CNTN5: variants seen among roughly 807,000 people sequenced by gnomAD.
CNTN5 encodes the protein contactin 5, also known as contactin-5.
CNTN5 carries 77 observed loss-of-function variants against 129.1 expected under a neutral mutation model. The ratio of observed to expected loss-of-function variants is 0.60; its 90% CI spans 0.50 to 0.72. The LOEUF (loss-of-function observed/expected upper bound fraction) is 0.72, where lower values mean the gene tolerates loss of function less well. CNTN5 is among the 30% of genes least tolerant of loss of function. The probability of loss-of-function intolerance (pLI) is 0.00; values close to 1 mark genes in which losing one functional copy is unlikely to be tolerated. For synonymous variants in CNTN5, 509 were observed against 465.6 expected (o/e 1.09, Z -1.20); for missense variants, 1,478 against 1,328.8 (o/e 1.11, Z -1.75).
At chr11:99,533,514 G>A (rs752380974) in intron 2 of CNTN5, among the ~76,000 whole-genome samples, 2 of 152,252 alleles carry the variant, frequency 1.3e-5, no homozygotes, top group Admixed American at 6.5e-5. Context: ...AAGGGATAGT[G>A]ACATCTCACT....
intron 9 of CNTN5, among the ~76,000 whole-genome samples, chr11:100,054,595 C>G (rs1943121126): frequency 6.6e-6 from 1 of 151,832 alleles, no homozygotes; most frequent in Non-Finnish European, 1.5e-5. Flanking sequence ...TAGCATGACA[C>G]TTCATCTCCT....
chr11:100,030,796 TATATC>T (rs1941667962), intron 9 of CNTN5, among the ~76,000 whole-genome samples: 1 of 152,198 alleles, frequency 6.6e-6, no homozygotes, highest in South Asian at 2.1e-4. Flanking sequence ...AATTAAATGA[TATATC>T]AGATAAAATC....
At chr11:99,754,402 A>G (rs1019920967) in intron 3 of CNTN5, among the ~76,000 whole-genome samples, 13 of 152,090 alleles carry the variant, frequency 8.5e-5, no homozygotes, top group African/African-American at 2.4e-4. Context: ...TCACCCTTAC[A>G]TTCTGAACAT....
intron 16 of CNTN5, among the ~76,000 whole-genome samples, chr11:100,237,983 AAAGAAACCTCTAC>A (rs1949656355): frequency 6.6e-6 from 1 of 152,202 alleles, no homozygotes. Context: ...GTTCATTATG[AAAGAAACCTCTAC>A]AAGATTCAAA....
intron 15 of CNTN5, among the ~76,000 whole-genome samples, chr11:100,223,674 A>G (rs1949314363): frequency 6.6e-6 from 1 of 152,120 alleles, no homozygotes. Flanking sequence ...TTACTGTTAG[A>G]GAAAATTTTT....
intron 1 of CNTN5, among the ~76,000 whole-genome samples, chr11:99,085,361 T>C (rs1865964801): frequency 6.6e-6 from 1 of 152,160 alleles, no homozygotes; most frequent in Non-Finnish European, 1.5e-5. Flanking sequence ...CCAAATTGTT[T>C]TATATATGGC....
At chr11:99,914,721 T>C (rs1435003640) in intron 6 of CNTN5, among the ~76,000 whole-genome samples, 1 of 152,142 alleles carries the variant, frequency 6.6e-6, no homozygotes, top group African/African-American at 2.4e-5. Context: ...TTAAACACAT[T>C]CTGCAATAAT....
At chr11:100,084,943 C>T (rs1048540084) in intron 13 of CNTN5, among the ~76,000 whole-genome samples, 1 of 151,996 alleles carries the variant, frequency 6.6e-6, no homozygotes, top group African/African-American at 2.4e-5. Context: ...ATTAATAAGA[C>T]AAAATGCATA....
chr11:99,231,493 G>A (rs528153599), intron 1 of CNTN5, among the ~76,000 whole-genome samples: 2 of 152,124 alleles, frequency 1.3e-5, no homozygotes, highest in South Asian at 4.2e-4. Context: ...TTTTAACGGG[G>A]TTATTTGTTT....
At chr11:99,400,753 CT>C (rs1459221818) in intron 2 of CNTN5, among the ~76,000 whole-genome samples, 10 of 152,036 alleles carry the variant, frequency 6.6e-5, no homozygotes, top group Non-Finnish European at 2.9e-5. Flanking sequence ...TACTGCCTGT[CT>C]TTTGGATATA....
intron 3 of CNTN5, among the ~76,000 whole-genome samples, chr11:99,701,844 T>C (rs1214532351): frequency 6.6e-6 from 1 of 151,098 alleles, no homozygotes; most frequent in Non-Finnish European, 1.5e-5. Context: ...TTGGCTCTTC[T>C]TTCTCTTTGA....
At chr11:99,025,382 A>G (rs992458122) in intron 1 of CNTN5, among the ~76,000 whole-genome samples, 8 of 151,862 alleles carry the variant, frequency 5.3e-5, no homozygotes, top group African/African-American at 1.9e-4. Flanking sequence ...TTTCATAACC[A>G]TTGACTGGAA....
In CNTN5 at chr11:99,728,130, T is replaced by G. The variant is rs551797087; in HGVS notation, c.56-91414T>G. On this transcript the variant is annotated intron_variant, in intron 3 of 24. Transcript: ENST00000524871. Reference sequence around the variant, plus strand: ...AGTGATGGATTTTTAAAAAGAAATATGTTAAGAGTACGTTGCAAAAAATGT... The same window carrying G: ...AGTGATGGATTTTTAAAAAGAAATAGGTTAAGAGTACGTTGCAAAAAATGT... Among the ~76,000 whole-genome samples, 293 of 152,260 alleles carry G rather than the reference T, an allele frequency of 1.9e-3. 3 individuals carry two copies. The highest frequency in any genetic ancestry group is 3.4e-3 in the Middle Eastern group (1 of 294).
Position 99,436,346 on chromosome 11 carries a change from A to T in CNTN5, c.-71+110862A>T, listed in dbSNP as rs182311150. ...GAATAAATGGAGGATCAGAGAGATTAAATCATTTATGCTCAGATCCACAAT... is the reference window on the plus strand; with the variant it reads ...GAATAAATGGAGGATCAGAGAGATTTAATCATTTATGCTCAGATCCACAAT... On this transcript the variant is annotated intron_variant, in intron 2 of 24. Transcript: ENST00000524871. Among the ~76,000 whole-genome samples the T allele has an allele frequency of 2.5e-4, 38 of 152,312 alleles. 1 individual carries two copies. The highest frequency in any genetic ancestry group is 3.4e-3 in the Middle Eastern group (1 of 294).
At chr11:100,215,393 A>G (rs1461537063) in intron 15 of CNTN5, among the ~76,000 whole-genome samples, 1 of 152,198 alleles carries the variant, frequency 6.6e-6, no homozygotes, top group Non-Finnish European at 1.5e-5. Context: ...GGCAAAACAT[A>G]TGTGGACATT....
At chr11:99,488,995 CAA>C (rs1945929249) in intron 2 of CNTN5, among the ~76,000 whole-genome samples, 1 of 151,916 alleles carries the variant, frequency 6.6e-6, no homozygotes, top group Non-Finnish European at 1.5e-5. Context: ...GTCTATCAAA[CAA>C]GAGCAGAAGA....
In CNTN5 at chr11:99,687,230, G is replaced by A. The variant is rs1643931795; in HGVS notation, c.55+130961G>A. Among the ~76,000 whole-genome samples the A allele has an allele frequency of 2.0e-5, 3 of 152,052 alleles. 1 individual carries two copies. In the South Asian group the frequency reaches 6.2e-4, roughly 32 times the overall value. On this transcript the variant is annotated intron_variant, in intron 3 of 24. Coordinates refer to ENST00000524871, the MANE Select transcript of CNTN5 (RefSeq NM_014361.4). ...AGAAAAGAATGTACTGACCTGCCCA[G>A]TTGGCAAATTGCACCCAAGAACCCC...
rs139675935 is a variant in CNTN5, at chr11:100,018,820, C to T, written c.980+16684C>T. On this transcript the variant is annotated intron_variant, in intron 9 of 24. Transcript: ENST00000524871. ...GTGTTGGAGAGTCCAAGTACCTCCA[C>T]GTCTTTGCCAAAACTTGGTTAATCT... Among the ~76,000 whole-genome samples, 249 of 152,028 alleles carry T rather than the reference C, an allele frequency of 1.6e-3. 2 individuals are homozygous for T. The South Asian group carries it at 0.018, about 11-fold the overall frequency.
chr11:99,621,686 T>G (rs1950955725), intron 3 of CNTN5, among the ~76,000 whole-genome samples: 1 of 152,102 alleles, frequency 6.6e-6, no homozygotes, highest in Non-Finnish European at 1.5e-5. Flanking sequence ...ATGAATTTGT[T>G]CATAATATTT....
Sources: allele counts gnomAD v4.1 joint callset (sites outside exome capture counted in the v4.1 genomes callset), GRCh38; gene constraint gnomAD v4.1.1; transcripts MANE v1.5; gene names NCBI Gene and HGNC (gene_info 2026-07-23, HGNC 2026-07-21).